The following TMEM129 variants were observed in gnomAD, a reference collection of about 807,000 sequenced individuals.
The protein encoded by TMEM129 is E3 ubiquitin-protein ligase TM129.
In TMEM129, 35 loss-of-function variants were observed where a neutral mutation model predicts 34.1. That is an observed-to-expected ratio of 1.03 (90% confidence interval 0.78 to 1.36). The LOEUF is 1.36. Ranked by LOEUF, TMEM129 falls within the 40% of genes most tolerant of loss-of-function variation. The probability of loss-of-function intolerance (pLI) is 0.00; values close to 1 mark genes in which losing one functional copy is unlikely to be tolerated. For missense variants in TMEM129, 504 were observed against 512.6 expected, an observed-to-expected ratio of 0.98 and a Z score of 0.16; for synonymous variants, 239 against 217.3, an observed-to-expected ratio of 1.10 and a Z score of -0.88.
Position 1,716,813 on chromosome 4 carries a change from GAAGT to G in TMEM129, c.*363_*366del, listed in dbSNP as rs1716981240. 8.4e-6 allele frequency: 2 copies of G among 238,282 alleles called. No individual in the cohort carries two copies. Among genetic ancestry groups the G allele is most frequent in the East Asian group, 7.8e-5 (1 of 12,762 alleles). The allele number at this position is 238,282 out of a possible 1,614,324, so 14.8% of individuals were successfully genotyped here. A position where few individuals can be genotyped will look rare whatever the true frequency, so the allele number is the denominator to read the frequency against. ...TAACTGAGGGTGGGTATGCTCCAGA[GAAGT>G]AAGGCAAATGGCCCAGATGACGACC... is the stretch of plus-strand genomic sequence containing the variant. On this transcript the variant is annotated 3_prime_UTR_variant, in exon 4 of 4. Transcript: ENST00000382936.
rs1365843952 is a variant in TMEM129 at position 1,720,704 on chromosome 4, T to C, written c.134A>G (p.Asp45Gly). The C allele has an allele frequency of 6.4e-7, 1 of 1,555,820 alleles. No individual in the cohort carries two copies. The highest frequency in any genetic ancestry group is 8.7e-7 in the Non-Finnish European group (1 of 1,151,204). The change falls in exon 1 of 4, where the codon GAC becomes GGC. Residue 45 changes from aspartate (D) to glycine (G), a missense_variant. By Grantham distance (94) the Asp-to-Gly change is moderately conservative. Coordinates refer to ENST00000382936, the MANE Select transcript of TMEM129 (RefSeq NM_001127266.2). The surrounding 1 kb of genome is among the most constrained non-coding windows in gnomAD (Gnocchi z 4.4). ...NLLSGWLGSEDAAFVPFHLRR... is the reference protein window; with the variant it reads ...NLLSGWLGSEGAAFVPFHLRR... ...CAAGTGGAAGGGCACGAAGGCGGCG[T>C]CCTCGCTGCCCAGCCAGCCCGACAG...
Position 1,718,326 on chromosome 4 carries a change from G to A in TMEM129, c.506C>T (p.Thr169Met), listed in dbSNP as rs148681421. The part of the protein sequence containing the change: ...APGARVIVTD[T>M]WVMKVTTYRV... Reference sequence around the variant, plus strand: ...GTAGGTGGTTACCTTCATCACCCACGTGTCTGTCACAATCACACGGGCACC... The same window carrying A: ...GTAGGTGGTTACCTTCATCACCCACATGTCTGTCACAATCACACGGGCACC... The change falls in exon 2 of 4, where the codon ACG (threonine) becomes ATG (methionine). Residue 169 changes from threonine (T) to methionine (M), a missense_variant. By Grantham distance (81) the Thr-to-Met change is moderately conservative. Transcript: ENST00000382936. 1.1e-5 allele frequency: 17 copies of A among 1,613,400 alleles called. No individual in the cohort carries two copies. Among genetic ancestry groups the A allele is most frequent in the South Asian group, 2.2e-5 (2 of 90,976 alleles).
At position 1,718,379 on chromosome 4, in the gene TMEM129, C is replaced by T. The variant is rs1717090219; in HGVS notation, c.453G>A (p.Arg151=). The T allele has an allele frequency of 9.9e-6, 16 of 1,611,526 alleles. 1 individual carries two copies. The East Asian group carries it at 3.6e-4, about 36-fold the overall frequency. ...GTGCACCGGTGGCAAACTTGTCAAT[C>T]CGCCGGAACTCAGTGTTGACAGAGG... ...VASSVNTEFR[R]IDKFATGAPG... is the part of the protein sequence containing the mutation. Residue 151 remains arginine (R), a synonymous_variant, in exon 2 of 4, where the codon CGG becomes CGA. Coordinates refer to ENST00000382936, the MANE Select transcript of TMEM129 (RefSeq NM_001127266.2).
At chr4:1,717,977 A>G (rs2108673954) in intron 2 of TMEM129, 175 bp downstream of exon 2, 1 of 693,810 alleles carries the variant, frequency 1.4e-6, no homozygotes. Context: ...AGGGAGGGCT[A>G]TGCGGGAGGG....
At chr4:1,717,804 G>A (rs1717049914) in intron 2 of TMEM129, 129 bp from the exon 3 acceptor site, 3 of 1,319,184 alleles carry the variant, frequency 2.3e-6, no homozygotes, top group South Asian at 1.6e-5. Context: ...TAAGGCCAGA[G>A]CCCACGGACC....
chr4:1,719,614 CTG>C (rs1577198447), intron 1 of TMEM129, among the ~76,000 whole-genome samples: 1 of 152,260 alleles, frequency 6.6e-6, no homozygotes. Context: ...TGACATCCGA[CTG>C]TGAGGCCAGC....
At chr4:1,717,907 G>T in intron 2 of TMEM129, 1 of 686,282 alleles carries the variant, frequency 1.5e-6, no homozygotes, top group Non-Finnish European at 2.4e-6. Flanking sequence ...TGCTCCCCAA[G>T]AATCTGGGGG....
Position 1,720,324 on chromosome 4 carries a change from C to T in TMEM129, c.205+309G>A, listed in dbSNP as rs1560282035. ...AGTTGCCTTCTCCTGGCCACTGCCC[C>T]CAACCACGACAAGCAAGGGCTGCTT... On this transcript the variant is annotated intron_variant, in intron 1 of 3. Coordinates refer to ENST00000382936, the MANE Select transcript of TMEM129 (RefSeq NM_001127266.2). The surrounding 1 kb of genome is among the most constrained non-coding windows in gnomAD (Gnocchi z 4.4). 6.6e-6 allele frequency among the ~76,000 whole-genome samples: 1 copy of T among 152,268 alleles called. No homozygotes were observed. The highest frequency in any genetic ancestry group is 2.4e-5 in the African/African-American group (1 of 41,476).
rs1292993098 is a variant in TMEM129 at position 1,718,538 on chromosome 4, C to G, written c.294G>C (p.Leu98=). Residue 98 remains leucine, a synonymous_variant, in exon 2 of 4, where the codon CTG becomes CTC. Transcript: ENST00000382936. ...QAPEAWRLFL[L]LAVTLPSIAC... is the part of the protein sequence containing the mutation. ...CGATGGAGGGGAGGGTCACGGCCAGCAGCAGGAAGAGCCGCCAGGCCTCAG... is the reference window on the plus strand; with the variant it reads ...CGATGGAGGGGAGGGTCACGGCCAGGAGCAGGAAGAGCCGCCAGGCCTCAG... 2.0e-6 allele frequency: 3 copies of G among 1,513,848 alleles called. No individual in the cohort carries two copies. Among genetic ancestry groups the G allele is most frequent in the Non-Finnish European group, 2.7e-6 (3 of 1,125,380 alleles). 93.8% of individuals were successfully genotyped at this position (1,513,848 alleles called of 1,614,324 possible).
intron 2 of TMEM129, chr4:1,717,928 A>C: frequency 1.5e-6 from 1 of 667,108 alleles, no homozygotes; most frequent in East Asian, 2.8e-5. Context: ...AGGTGGCTCC[A>C]GGGAGTGGAA....
rs1212608946 is a variant in TMEM129 at position 1,717,593 on chromosome 4, T to C, written c.763A>G (p.Ser255Gly). The change falls in exon 3 of 4, where the codon AGC becomes GGC. Residue 255 changes from serine to glycine, a missense_variant. Coordinates refer to ENST00000382936, the MANE Select transcript of TMEM129 (RefSeq NM_001127266.2). ...RRAAHVVIHQ[S>G]LGDLFLETFA... ...GTCTCCAGGAACAGGTCGCCCAGGC[T>C]CTGGTGGATGACCACATGGGCTGCC... 3.9e-6 allele frequency: 6 copies of C among 1,549,940 alleles called. No homozygotes were observed. Among genetic ancestry groups the C allele is most frequent in the Non-Finnish European group, 5.2e-6 (6 of 1,146,454 alleles).
intron 1 of TMEM129, chr4:1,719,203 G>C (rs551731335): frequency 2.2e-5 from 11 of 491,306 alleles, no homozygotes; most frequent in Non-Finnish European, 3.9e-5. Flanking sequence ...AAAAGTAATA[G>C]TCCACATTTG....
At chr4:1,719,138 G>T in intron 1 of TMEM129, 3 of 952,106 alleles carry the variant, frequency 3.2e-6, no homozygotes, top group Non-Finnish European at 4.4e-6. Flanking sequence ...CAATTTGAAG[G>T]TCCAAATAAG....
chr4:1,720,810 G>GA lies in TMEM129; in HGVS notation c.27dup (p.Leu10SerfsTer82). ...CACACGGCGAACACCAGATAGGCGA[G>GA]AGTGAAGGTCACCTCGGGGCTGTCC... On this transcript the variant is annotated frameshift_variant, in exon 1 of 4. Transcript: ENST00000382936. LOFTEE classifies it high-confidence loss of function. This position sits in a 1 kb window ranked among gnomAD's most constrained non-coding sequence, Gnocchi z 4.4. 1.3e-6 allele frequency: 2 copies of GA among 1,593,914 alleles called. No individual in the cohort carries two copies. The highest frequency in any genetic ancestry group is 8.5e-7 in the Non-Finnish European group (1 of 1,171,536).
rs1269820450 is a variant in TMEM129, at chr4:1,717,024, A to AAGTCCTCAGCCTTCT, written c.*141_*155dup. On this transcript the variant is annotated 3_prime_UTR_variant, in exon 4 of 4. Transcript: ENST00000382936. ...TTTCATGAGGATTGCTTTTAACCAA[A>AAGTCCTCAGCCTTCT]AGTCCTCAGCCTTCTGCAGACCCAG... The AAGTCCTCAGCCTTCT allele has an allele frequency of 6.0e-6, 6 of 992,546 alleles. No individual in the cohort carries two copies. In the East Asian group the frequency reaches 1.9e-4, roughly 32 times the overall value. 61.5% of individuals were successfully genotyped at this position (992,546 alleles called of 1,614,324 possible). A position where few individuals can be genotyped will look rare whatever the true frequency, so the allele number is the denominator to read the frequency against.
At position 1,717,675 on chromosome 4, in the gene TMEM129, C is replaced by A. The variant is rs1717042853; in HGVS notation, c.681G>T (p.Trp227Cys). The A allele has an allele frequency of 2.0e-6, 3 of 1,507,494 alleles. No homozygotes were observed. Among genetic ancestry groups the A allele is most frequent in the South Asian group, 2.6e-5 (2 of 77,876 alleles). The allele number at this position is 1,507,494 out of a possible 1,614,324, so 93.4% of individuals were successfully genotyped here. A position where few individuals can be genotyped will look rare whatever the true frequency, so the allele number is the denominator to read the frequency against. ...GCTCCCCGTACTCAGTGGAGTTCAGCCTGCAGGGAGGAGAGCTGCTGGGCC... is the reference window on the plus strand; with the variant it reads ...GCTCCCCGTACTCAGTGGAGTTCAGACTGCAGGGAGGAGAGCTGCTGGGCC... ...TNPAVQAFDI[W>C]LNSTEYGELC... Residue 227 changes from tryptophan to cysteine, a missense_variant and splice_region_variant, in exon 3 of 4, where the codon TGG (tryptophan) becomes TGT (cysteine). Physicochemically the swap from Trp to Cys is radical, Grantham distance 215. Coordinates refer to ENST00000382936, the MANE Select transcript of TMEM129 (RefSeq NM_001127266.2).
chr4:1,717,584 C>G lies in TMEM129; in HGVS notation c.772G>C (p.Asp258His). The change falls in exon 3 of 4, where the codon GAC (aspartate) becomes CAC (histidine). Residue 258 changes from aspartate (D) to histidine (H), a missense_variant. By Grantham distance (81) the Asp-to-His change is moderately conservative. Transcript: ENST00000382936. Reference sequence around the variant, plus strand: ...GAGGCAAATGTCTCCAGGAACAGGTCGCCCAGGCTCTGGTGGATGACCACA... The same window carrying G: ...GAGGCAAATGTCTCCAGGAACAGGTGGCCCAGGCTCTGGTGGATGACCACA... Reference protein sequence around the residue: ...AHVVIHQSLGDLFLETFASLV... With the variant: ...AHVVIHQSLGHLFLETFASLV... 6.5e-7 allele frequency: 1 copy of G among 1,549,860 alleles called. No individual in the cohort carries two copies. The highest frequency in any genetic ancestry group is 8.7e-7 in the Non-Finnish European group (1 of 1,146,362).
Position 1,717,527 on chromosome 4 carries a change from G to C in TMEM129, c.829C>G (p.Pro277Ala). 6.5e-7 allele frequency: 1 copy of C among 1,532,314 alleles called. No homozygotes were observed. The highest frequency in any genetic ancestry group is 1.4e-5 in the African/African-American group (1 of 72,920). 94.9% of individuals were successfully genotyped at this position (1,532,314 alleles called of 1,614,324 possible). Residue 277 changes from proline to alanine, a missense_variant, in exon 3 of 4, where the codon CCC becomes GCC. Physicochemically the swap from Pro to Ala is conservative, Grantham distance 27. Transcript: ENST00000382936. Reference sequence around the variant, plus strand: ...CCCAGGCCCCCCACCTGGCTGCTGGGCACTGAGTAGGCCGGGTTGACCTCT... The same window carrying C: ...CCCAGGCCCCCCACCTGGCTGCTGGCCACTGAGTAGGCCGGGTTGACCTCT... The part of the protein sequence containing the change: ...LVEVNPAYSV[P>A]SSQELEACIG...
rs761113733 is a variant in TMEM129, at chr4:1,718,378, T to A, written c.454A>T (p.Ile152Phe). 1 of 1,611,762 alleles carries A rather than the reference T, an allele frequency of 6.2e-7. No individual in the cohort carries two copies. The highest frequency in any genetic ancestry group is 8.5e-7 in the Non-Finnish European group (1 of 1,179,166). The change falls in exon 2 of 4, where the codon ATT (isoleucine) becomes TTT (phenylalanine). Residue 152 changes from isoleucine (I) to phenylalanine (F), a missense_variant. By Grantham distance (21) the Ile-to-Phe change is conservative (BLOSUM62 0). Transcript: ENST00000382936. ...GGTGCACCGGTGGCAAACTTGTCAA[T>A]CCGCCGGAACTCAGTGTTGACAGAG... The part of the protein sequence containing the change: ...ASSVNTEFRR[I>F]DKFATGAPGA...
Sources: gnomAD v4.1 joint callset for allele counts (sites outside exome capture counted in the v4.1 genomes callset) on GRCh38, gnomAD v4.1.1 for gene constraint, Gnocchi (gnomAD v3.1) non-coding constraint, MANE v1.5 for transcripts, NCBI Gene and HGNC (gene_info 2026-07-23, HGNC 2026-07-21) for gene names.